PCBP3: variants seen among roughly 807,000 people sequenced by gnomAD.
PCBP3 encodes poly(rC)-binding protein 3.
Under a neutral mutation model 52.7 loss-of-function variants are expected in PCBP3, and 25 were observed. That is an observed-to-expected ratio of 0.47 (90% CI 0.35 to 0.66). The LOEUF (loss-of-function observed/expected upper bound fraction) is 0.66, where lower values mean the gene tolerates loss of function less well. PCBP3 is among the 30% of genes least tolerant of loss of function. PCBP3 has a pLI of 0.01. For missense variants in PCBP3, 391 were observed against 490.3 expected, an observed-to-expected ratio of 0.80 and a Z score of 1.91; for synonymous variants, 162 against 183.0, an observed-to-expected ratio of 0.89 and a Z score of 0.93.
At position 45,800,888 on chromosome 21, in the gene PCBP3, T is replaced by G; in HGVS notation, c.-126+45436T>G. 6.7e-6 allele frequency among the ~76,000 whole-genome samples: 1 copy of G among 148,542 alleles called. No individual in the cohort carries two copies. Among genetic ancestry groups the G allele is most frequent in the East Asian group, 1.9e-4 (1 of 5,186 alleles). The stretch of plus-strand genomic sequence containing the variant: ...GTTCCCGCCTCCTCCTCCAAGTGAC[T>G]TTCCTTCTGCTCCCAGCCCTGCATC... On this transcript the variant is annotated intron_variant, in intron 4 of 17. Coordinates refer to ENST00000681687, the MANE Select transcript of PCBP3 (RefSeq NM_001384156.1). This position sits in a 1 kb window ranked among gnomAD's most constrained non-coding sequence, Gnocchi z 5.3.
chr21:45,849,389 G>C (rs1056740185), intron 4 of PCBP3, among the ~76,000 whole-genome samples: 2 of 151,918 alleles, frequency 1.3e-5, no homozygotes, highest in Non-Finnish European at 2.9e-5. Flanking sequence ...TATTTTGGTA[G>C]AGATGGGGGT....
At chr21:45,685,443 A>G (rs1365821771) in intron 2 of PCBP3, among the ~76,000 whole-genome samples, 1 of 152,186 alleles carries the variant, frequency 6.6e-6, no homozygotes, top group African/African-American at 2.4e-5. Context: ...TAAAAATAAG[A>G]AATACAAAAA....
chr21:45,750,295 T>A (rs1044525323), intron 3 of PCBP3: 1 of 152,208 alleles, frequency 6.6e-6, no homozygotes, highest in African/African-American at 2.4e-5. Flanking sequence ...TCCCCAGGAC[T>A]TAGCCGTGGT....
chr21:45,941,574 C>T (rs549850109), intron 17 of PCBP3, 96 bp from the exon 18 acceptor site: 23 of 1,140,834 alleles, frequency 2.0e-5, no homozygotes, highest in African/African-American at 4.6e-5. Flanking sequence ...CCTGTCCCAG[C>T]GAGCACAGAG....
At chr21:45,650,231 G>A (rs1472079376) in intron 1 of PCBP3, among the ~76,000 whole-genome samples, 4 of 152,022 alleles carry the variant, frequency 2.6e-5, no homozygotes, top group African/African-American at 9.7e-5. Flanking sequence ...CTAGCTACTT[G>A]GGGGACTGAG....
intron 4 of PCBP3, among the ~76,000 whole-genome samples, chr21:45,789,052 A>T (rs2091350250): frequency 6.6e-6 from 1 of 152,234 alleles, no homozygotes; most frequent in Non-Finnish European, 1.5e-5. Context: ...GTGAGTGCAC[A>T]TCAATGGCTG....
At chr21:45,834,474 G>T (rs1201761921) in intron 4 of PCBP3, among the ~76,000 whole-genome samples, 1 of 152,220 alleles carries the variant, frequency 6.6e-6, no homozygotes, top group East Asian at 1.9e-4. Flanking sequence ...TTTGGGAGGG[G>T]CCAGCTGCCT....
intron 9 of PCBP3, among the ~76,000 whole-genome samples, chr21:45,902,454 G>A (rs1042044321): frequency 6.6e-6 from 1 of 152,228 alleles, no homozygotes; most frequent in African/African-American, 2.4e-5. Flanking sequence ...GCCAGGTCAC[G>A]CCGCTTGGGG....
intron 4 of PCBP3, among the ~76,000 whole-genome samples, chr21:45,838,487 A>G (rs2093636287): frequency 6.6e-6 from 1 of 152,150 alleles, no homozygotes. Context: ...TTGGGTTGTC[A>G]TTGATTTTTT....
intron 13 of PCBP3, chr21:45,918,094 T>C (rs1473150309): frequency 2.3e-5 from 5 of 219,194 alleles, no homozygotes; most frequent in South Asian, 2.1e-4. Flanking sequence ...CATGAAAACA[T>C]AGGGTCCATC....
At chr21:45,733,740 A>T (rs2085641669) in intron 2 of PCBP3, among the ~76,000 whole-genome samples, 2 of 152,184 alleles carry the variant, frequency 1.3e-5, no homozygotes, top group Admixed American at 1.3e-4. Context: ...AGTTGGGATT[A>T]CAGGTGCCCA....
rs537157177 is a variant in PCBP3, at chr21:45,822,991, C to CG, written c.-125-26964dup. On this transcript the variant is annotated intron_variant, in intron 4 of 17. Transcript: ENST00000681687. Reference sequence around the variant, plus strand: ...CATGTGAGGCTGACCTGGGCCCTAGCGGGGGGTAAGGTCTTCCCCCTCCAT... The same window carrying CG: ...CATGTGAGGCTGACCTGGGCCCTAGCGGGGGGGTAAGGTCTTCCCCCTCCAT... 2.0e-3 allele frequency among the ~76,000 whole-genome samples: 301 copies of CG among 152,084 alleles called. 1 individual carries two copies. Among genetic ancestry groups the CG allele is most frequent in the African/African-American group, 7.1e-3 (293 of 41,524 alleles).
At chr21:45,681,198 T>G (rs2081821308) in intron 2 of PCBP3, among the ~76,000 whole-genome samples, 1 of 152,228 alleles carries the variant, frequency 6.6e-6, no homozygotes, top group Non-Finnish European at 1.5e-5. Flanking sequence ...TTCAGCACAT[T>G]AATTTTAGGG....
At chr21:45,875,174 G>A (rs1029653178) in intron 5 of PCBP3, among the ~76,000 whole-genome samples, 18 of 152,006 alleles carry the variant, frequency 1.2e-4, no homozygotes, top group African/African-American at 3.9e-4. Flanking sequence ...CGCTCCGGCT[G>A]ACTCACCGGG....
At chr21:45,937,232 C>T (rs961056960) in intron 16 of PCBP3, among the ~76,000 whole-genome samples, 1 of 152,216 alleles carries the variant, frequency 6.6e-6, no homozygotes, top group African/African-American at 2.4e-5. Context: ...GGCAGGGACT[C>T]CTGAGACTCA....
In PCBP3 at chr21:45,917,128, T is replaced by C. The variant is rs530104171; in HGVS notation, c.676-460T>C. 6 of 160,750 alleles carry C rather than the reference T, an allele frequency of 3.7e-5. 1 individual carries two copies. Among genetic ancestry groups the C allele is most frequent in the South Asian group, 3.7e-4 (2 of 5,390 alleles). 10.0% of individuals were successfully genotyped at this position (160,750 alleles called of 1,614,324 possible). On this transcript the variant is annotated intron_variant, in intron 12 of 17. Coordinates refer to ENST00000681687, the MANE Select transcript of PCBP3 (RefSeq NM_001384156.1). The surrounding 1 kb of genome is among the most constrained non-coding windows in gnomAD (Gnocchi z 5.3). ...GACTGACGTAGACCCACTTCCTACG[T>C]AGACTGGCTTTTGGTGAATTGGTTT...
intron 4 of PCBP3, among the ~76,000 whole-genome samples, chr21:45,816,425 ATCCCCT>A: frequency 7.2e-6 from 1 of 138,630 alleles, no homozygotes; most frequent in Non-Finnish European, 1.6e-5. Flanking sequence ...CATGTTTAAG[ATCCCCT>A]TCCCCTTCCC....
chr21:45,863,687 G>C (rs940218629), intron 5 of PCBP3, among the ~76,000 whole-genome samples: 6 of 152,218 alleles, frequency 3.9e-5, no homozygotes, highest in Admixed American at 3.9e-4. Context: ...TCTAAACGGG[G>C]AGAGTGGCCA....
At chr21:45,840,758 G>A (rs2093684160) in intron 4 of PCBP3, among the ~76,000 whole-genome samples, 2 of 152,086 alleles carry the variant, frequency 1.3e-5, no homozygotes, top group African/African-American at 4.8e-5. Flanking sequence ...TGAATAGCTG[G>A]CATGTGCCAC....
Sources: allele counts gnomAD v4.1 joint callset (sites outside exome capture counted in the v4.1 genomes callset), GRCh38; gene constraint gnomAD v4.1.1; non-coding constraint Gnocchi (gnomAD v3.1); transcripts MANE v1.5; gene names NCBI Gene and HGNC (gene_info 2026-07-23, HGNC 2026-07-21).